Variants in ALDH8A1 observed in about 807,000 individuals in gnomAD.
ALDH8A1 encodes the protein aldehyde dehydrogenase 8 family member A1.
Under a neutral mutation model 43.3 loss-of-function variants are expected in ALDH8A1, and 39 were observed. The observed-to-expected ratio is 0.90, with a 90% CI of 0.70 to 1.18. ALDH8A1 has a LOEUF of 1.18. Ranked by LOEUF, ALDH8A1 falls within the 50% of genes most tolerant of loss-of-function variation. The pLI is 0.00. For missense variants in ALDH8A1, 605 were observed against 622.6 expected, an observed-to-expected ratio of 0.97 and a Z score of 0.30; for synonymous variants, 233 against 243.5, an observed-to-expected ratio of 0.96 and a Z score of 0.40.
intron 6 of ALDH8A1, among the ~76,000 whole-genome samples, chr6:134,920,212 A>T (rs575014001): frequency 1.2e-4 from 18 of 152,266 alleles, no homozygotes; most frequent in Admixed American, 2.0e-4. Context: ...AGACTTTTTT[A>T]AAAAATAGAG....
At chr6:134,943,462 T>C (rs1433600427) in intron 2 of ALDH8A1, among the ~76,000 whole-genome samples, 1 of 152,228 alleles carries the variant, frequency 6.6e-6, no homozygotes. Context: ...TTTGAAATTC[T>C]CTGCTTAGAA....
intron 1 of ALDH8A1, among the ~76,000 whole-genome samples, chr6:134,949,062 T>C (rs1439196981): frequency 1.3e-5 from 2 of 152,098 alleles, no homozygotes; most frequent in African/African-American, 4.8e-5. Context: ...AAAATAGCAA[T>C]GTTCTTAAAA....
At chr6:134,925,349 C>G (rs1029629124) in intron 6 of ALDH8A1, among the ~76,000 whole-genome samples, 2 of 152,146 alleles carry the variant, frequency 1.3e-5, no homozygotes, top group Non-Finnish European at 2.9e-5. Flanking sequence ...ACTAGAGGCT[C>G]CAGGCTCGGA....
At position 134,918,335 on chromosome 6, in the gene ALDH8A1, C is replaced by G. The variant is rs183560042; in HGVS notation, c.*80G>C. On this transcript the variant is annotated 3_prime_UTR_variant, in exon 7 of 7. Coordinates refer to ENST00000265605, the MANE Select transcript of ALDH8A1 (RefSeq NM_022568.4). ...AGTCAAGGCATAGCTGGAATTCATG[C>G]CATGATTTTCATCTACCACATTGAA... The G allele has an allele frequency of 2.4e-4, 332 of 1,377,846 alleles. No individual in the cohort carries two copies. Among genetic ancestry groups the G allele is most frequent in the Non-Finnish European group, 2.5e-5 (25 of 998,056 alleles). The allele number at this position is 1,377,846 out of a possible 1,614,324, so 85.4% of individuals were successfully genotyped here. A position where few individuals can be genotyped will look rare whatever the true frequency, so the allele number is the denominator to read the frequency against.
At chr6:134,928,106 C>T (rs778231694) in intron 6 of ALDH8A1, among the ~76,000 whole-genome samples, 2 of 152,196 alleles carry the variant, frequency 1.3e-5, no homozygotes, top group Non-Finnish European at 2.9e-5. Context: ...AGCTGCTCTG[C>T]TAATAACTTG....
At chr6:134,924,302 C>G (rs1776851315) in intron 6 of ALDH8A1, among the ~76,000 whole-genome samples, 1 of 152,184 alleles carries the variant, frequency 6.6e-6, no homozygotes, top group Admixed American at 6.5e-5. Context: ...TGCCTGATAA[C>G]AAAAACTATC....
intron 4 of ALDH8A1, among the ~76,000 whole-genome samples, chr6:134,937,202 G>A (rs1406212704): frequency 6.6e-6 from 1 of 152,226 alleles, no homozygotes; most frequent in African/African-American, 2.4e-5. Context: ...TTATTTTAAA[G>A]GAAGTTTATC....
At chr6:134,944,100 C>T (rs1773910404) in intron 1 of ALDH8A1, 134 bp from the exon 2 acceptor site, 1 of 1,239,968 alleles carries the variant, frequency 8.1e-7, no homozygotes, top group East Asian at 2.7e-5. Flanking sequence ...TGGATTCTCA[C>T]TCTGTAGCCC....
chr6:134,918,457 G>A lies in ALDH8A1; in HGVS notation c.1422C>T (p.Tyr474=), dbSNP rs758276257. ...TGGTTTTGATCTCAGTGAAGAAGTCGTAAGAGTCCTTGGCTCCCTCTCTAC... is the reference window on the plus strand; with the variant it reads ...TGGTTTTGATCTCAGTGAAGAAGTCATAAGAGTCCTTGGCTCCCTCTCTAC... ...GIGREGAKDS[Y]DFFTEIKTIT... Residue 474 remains tyrosine, a synonymous_variant, in exon 7 of 7, where the codon TAC becomes TAT. Coordinates refer to ENST00000265605, the MANE Select transcript of ALDH8A1 (RefSeq NM_022568.4). 9.3e-6 allele frequency: 15 copies of A among 1,614,026 alleles called. No homozygotes were observed. Among genetic ancestry groups the A allele is most frequent in the African/African-American group, 4.0e-5 (3 of 74,918 alleles).
intron 4 of ALDH8A1, 109 bp from the exon 5 acceptor site, chr6:134,933,141 A>G: frequency 3.1e-6 from 4 of 1,288,482 alleles, no homozygotes; most frequent in Non-Finnish European, 3.1e-6. Flanking sequence ...GTGGGTAGGG[A>G]TGGAGGAAGC....
chr6:134,930,050 G>A (rs1338918926), intron 5 of ALDH8A1, among the ~76,000 whole-genome samples: 4 of 152,278 alleles, frequency 2.6e-5, no homozygotes, highest in Admixed American at 2.0e-4. Flanking sequence ...ATTCTTCCAG[G>A]GGCACGGGAC....
In ALDH8A1 at chr6:134,943,923, C is replaced by A. The variant is rs1773906388; in HGVS notation, c.182G>T (p.Trp61Leu). The A allele has an allele frequency of 1.2e-6, 2 of 1,614,204 alleles. No homozygotes were observed. The highest frequency in any genetic ancestry group is 1.7e-6 in the Non-Finnish European group (2 of 1,180,020). ...GCGCTCCTGGGGGCTGCGGGATGACCAGCTGGGAAAGGCTTCTCTGGCGGC... is the reference window on the plus strand; with the variant it reads ...GCGCTCCTGGGGGCTGCGGGATGACAAGCTGGGAAAGGCTTCTCTGGCGGC... ...VKAAREAFPS[W>L]SSRSPQERSR... Residue 61 changes from tryptophan to leucine, a missense_variant, in exon 2 of 7, where the codon TGG (tryptophan) becomes TTG (leucine). Physicochemically the swap from Trp to Leu is moderately conservative, Grantham distance 61 (BLOSUM62 -2). Transcript: ENST00000265605.
At position 134,918,786 on chromosome 6, in the gene ALDH8A1, C is replaced by G; in HGVS notation, c.1093G>C (p.Ala365Pro). ...GEGVDKLSLP[A>P]RNQAGYFMLP... ...ATAAAGTAGCCTGCCTGGTTCCTGG[C>G]AGGGAGGCTCAACTTATCCACTCCC... Residue 365 changes from alanine to proline, a missense_variant, in exon 7 of 7, where the codon GCC (alanine) becomes CCC (proline). Transcript: ENST00000265605. 6.2e-7 allele frequency: 1 copy of G among 1,614,188 alleles called. No individual in the cohort carries two copies. The highest frequency in any genetic ancestry group is 8.5e-7 in the Non-Finnish European group (1 of 1,180,020).
intron 6 of ALDH8A1, among the ~76,000 whole-genome samples, chr6:134,919,870 T>C (rs1047471506): frequency 6.6e-6 from 1 of 152,212 alleles, no homozygotes; most frequent in African/African-American, 2.4e-5. Context: ...TATTCTATTA[T>C]TAAATTTGCT....
chr6:134,946,785 C>CTT (rs1562261601), intron 1 of ALDH8A1, among the ~76,000 whole-genome samples: 2 of 148,726 alleles, frequency 1.3e-5, no homozygotes, highest in Non-Finnish European at 2.9e-5. Flanking sequence ...TGTGTGCGCG[C>CTT]GCGCACAGGT....
At position 134,918,187 on chromosome 6, in the gene ALDH8A1, A is replaced by G. The variant is rs192232229; in HGVS notation, c.*228T>C. The G allele has an allele frequency of 2.0e-4, 105 of 531,012 alleles. No individual in the cohort carries two copies. The East Asian group carries it at 3.2e-3, about 16-fold the overall frequency. The allele number at this position is 531,012 out of a possible 1,614,324, so 32.9% of individuals were successfully genotyped here. ...TGGGAGGAGCCTGACAACTGGCATCATTGTTCTATCTTCCTACTTATAAGT... is the reference window on the plus strand; with the variant it reads ...TGGGAGGAGCCTGACAACTGGCATCGTTGTTCTATCTTCCTACTTATAAGT... On this transcript the variant is annotated 3_prime_UTR_variant, in exon 7 of 7. Transcript: ENST00000265605.
intron 4 of ALDH8A1, among the ~76,000 whole-genome samples, chr6:134,937,403 G>A (rs1462009933): frequency 2.0e-5 from 3 of 152,190 alleles, no homozygotes; most frequent in East Asian, 1.9e-4. Context: ...GAGGAGCAAG[G>A]TGAACATGAC....
intron 6 of ALDH8A1, among the ~76,000 whole-genome samples, chr6:134,927,296 T>C (rs1255604819): frequency 6.6e-6 from 1 of 151,810 alleles, no homozygotes; most frequent in African/African-American, 2.4e-5. Flanking sequence ...GTTTAGTACA[T>C]GTTAAAAAAG....
intron 4 of ALDH8A1, among the ~76,000 whole-genome samples, chr6:134,937,998 T>C (rs977405516): frequency 6.6e-6 from 1 of 152,176 alleles, no homozygotes; most frequent in Non-Finnish European, 1.5e-5. Flanking sequence ...TGAGCCTTCA[T>C]CTTCCTCGTG....
Sources: gnomAD v4.1 joint callset for allele counts (sites outside exome capture counted in the v4.1 genomes callset) on GRCh38, gnomAD v4.1.1 for gene constraint, MANE v1.5 for transcripts, NCBI Gene and HGNC (gene_info 2026-07-23, HGNC 2026-07-21) for gene names.